USP53: variants seen among roughly 807,000 people sequenced by gnomAD.
USP53 encodes ubiquitin specific peptidase 53, also known as ubiquitin carboxyl-terminal hydrolase 53.
A neutral mutation model predicts 94.9 loss-of-function variants in USP53; 71 were observed. The ratio of observed to expected loss-of-function variants is 0.75; its 90% CI spans 0.62 to 0.91. The LOEUF (loss-of-function observed/expected upper bound fraction) is 0.91, where lower values mean the gene tolerates loss of function less well. Among genes scored for constraint, USP53 ranks in the 40% least tolerant of loss-of-function variants. The pLI is 0.00. For synonymous variants in USP53, 375 were observed against 422.7 expected (o/e 0.89, Z 1.39); for missense variants, 1,173 against 1,281.0 (o/e 0.92, Z 1.29).
At chr4:119,245,201 TG>T in intron 5 of USP53, 135 bp from the exon 6 acceptor site, 1 of 676,568 alleles carries the variant, frequency 1.5e-6, no homozygotes, top group East Asian at 2.7e-5. Context: ...TGGTTATGTG[TG>T]TCTGATTATG....
At chr4:119,220,626 G>A (rs1219968139) in intron 3 of USP53, 1 of 152,078 alleles carries the variant, frequency 6.6e-6, no homozygotes, top group African/African-American at 2.4e-5. Context: ...GATTCTGCCA[G>A]TTTTCTAATT....
At chr4:119,237,335 A>G (rs1393336804) in intron 4 of USP53, among the ~76,000 whole-genome samples, 2 of 152,120 alleles carry the variant, frequency 1.3e-5, no homozygotes, top group African/African-American at 4.8e-5. Flanking sequence ...TGAAGTCAAC[A>G]ACTGCATTAT....
intron 17 of USP53, among the ~76,000 whole-genome samples, chr4:119,276,431 G>T (rs1437940925): frequency 1.3e-5 from 2 of 151,276 alleles, no homozygotes; most frequent in African/African-American, 2.4e-5. Context: ...AACCAGCCTT[G>T]CATCCCAGGG....
chr4:119,225,280 A>G (rs1381683007), intron 3 of USP53, among the ~76,000 whole-genome samples: 1 of 152,204 alleles, frequency 6.6e-6, no homozygotes, highest in Non-Finnish European at 1.5e-5. Flanking sequence ...TTTCTATCAA[A>G]GAGATTTAAT....
chr4:119,218,028 G>C (rs74629660), intron 3 of USP53: 52,556 of 152,118 alleles, frequency 0.35, 9,190 homozygotes, highest in South Asian at 0.38. Context: ...CTGTGTAAAG[G>C]GTAGAAGCCA....
chr4:119,263,311 T>C (rs562588744), intron 12 of USP53, among the ~76,000 whole-genome samples: 1 of 152,332 alleles, frequency 6.6e-6, no homozygotes, highest in South Asian at 2.1e-4. Flanking sequence ...CCCTGCTTAC[T>C]GCCTAGAGGT....
chr4:119,262,950 A>C (rs1195319818), intron 12 of USP53, among the ~76,000 whole-genome samples: 2 of 152,218 alleles, frequency 1.3e-5, no homozygotes, highest in Admixed American at 6.5e-5. Flanking sequence ...CACAGTTGAA[A>C]ATTATTGGTC....
At chr4:119,292,294 T>C in intron 18 of USP53, 44 bp from the exon 19 acceptor site, 1 of 1,489,968 alleles carries the variant, frequency 6.7e-7, no homozygotes, top group Non-Finnish European at 8.9e-7. Flanking sequence ...GTTTCATATA[T>C]TTGCATAGGG....
Position 119,268,278 on chromosome 4 carries a change from G to T in USP53, c.1146G>T (p.Lys382Asn). ...GCTTCTCTTTTTAAGGATGTGAAAA[G>T]CCTGTAATTCATAAGTCAGATAATT... is the stretch of plus-strand genomic sequence containing the variant. ...KSVAENMGCE[K>N]PVIHKSDNLK... Residue 382 changes from lysine to asparagine, a missense_variant, in exon 14 of 19, where the codon AAG (lysine) becomes AAT (asparagine). Physicochemically the swap from Lys to Asn is moderately conservative, Grantham distance 94. Coordinates refer to ENST00000692078, the MANE Select transcript of USP53 (RefSeq NM_001371395.1). 1 of 1,611,152 alleles carries T rather than the reference G, an allele frequency of 6.2e-7. No individual in the cohort carries two copies. The highest frequency in any genetic ancestry group is 8.5e-7 in the Non-Finnish European group (1 of 1,178,794).
intron 7 of USP53, among the ~76,000 whole-genome samples, chr4:119,251,653 A>G (rs575099990): frequency 2.0e-5 from 3 of 152,280 alleles, no homozygotes; most frequent in Non-Finnish European, 2.9e-5. Flanking sequence ...CGTCTCTTCC[A>G]TTTTGAATAC....
chr4:119,251,113 T>A (rs569413554), intron 7 of USP53, among the ~76,000 whole-genome samples: 49 of 151,382 alleles, frequency 3.2e-4, no homozygotes, highest in African/African-American at 1.2e-3. Flanking sequence ...GTCCATGTGT[T>A]CTCATTGTTC....
chr4:119,221,088 A>T (rs2149265762), intron 3 of USP53: 1 of 152,302 alleles, frequency 6.6e-6, no homozygotes, highest in South Asian at 2.1e-4. Context: ...AAATTGGACA[A>T]CGTAGAGACA....
intron 5 of USP53, among the ~76,000 whole-genome samples, chr4:119,242,366 C>T (rs1747661275): frequency 6.6e-6 from 1 of 152,132 alleles, no homozygotes; most frequent in Non-Finnish European, 1.5e-5. Context: ...CGGGACAGAG[C>T]TATGCTTATT....
Position 119,292,380 on chromosome 4 carries a change from C to T in USP53, c.2391C>T (p.Ser797=), listed in dbSNP as rs1754857563. The T allele has an allele frequency of 6.2e-7, 1 of 1,609,420 alleles. No homozygotes were observed. Among genetic ancestry groups the T allele is most frequent in the Non-Finnish European group, 8.5e-7 (1 of 1,178,568 alleles). ...HEDNGKLFPS[S]SLQIPKDHNA... ...ACAATGGAAAGTTATTTCCTTCATCCAGTCTACAAATACCCAAGGACCATA... is the reference window on the plus strand; with the variant it reads ...ACAATGGAAAGTTATTTCCTTCATCTAGTCTACAAATACCCAAGGACCATA... Residue 797 remains serine, a synonymous_variant, in exon 19 of 19, where the codon TCC becomes TCT. Transcript: ENST00000692078.
chr4:119,216,797 G>A (rs1161131483), intron 2 of USP53, among the ~76,000 whole-genome samples: 2 of 152,156 alleles, frequency 1.3e-5, no homozygotes, highest in Admixed American at 6.5e-5. Flanking sequence ...TAAAGCAATG[G>A]TTAAGTTTAA....
chr4:119,281,056 G>A lies in USP53; in HGVS notation c.2251+7348G>A, dbSNP rs2149457734. On this transcript the variant is annotated intron_variant, in intron 17 of 18. Coordinates refer to ENST00000692078, the MANE Select transcript of USP53 (RefSeq NM_001371395.1). ...GTAGTTAAGAACACATAGAAAGATT[G>A]ATAAAGAGCCTTCTGGAAAAGTTCA... Among the ~76,000 whole-genome samples, 4 of 152,306 alleles carry A rather than the reference G, an allele frequency of 2.6e-5. No individual in the cohort carries two copies. In the South Asian group the frequency reaches 8.3e-4, roughly 32 times the overall value.
intron 7 of USP53, among the ~76,000 whole-genome samples, chr4:119,253,204 G>T (rs187779427): frequency 6.8e-4 from 103 of 152,228 alleles, no homozygotes; most frequent in African/African-American, 2.2e-3. Context: ...TTGATTTGGG[G>T]TGTAGAGTTC....
rs1242824762 is a variant in USP53, at chr4:119,261,702, T to C, written c.823-13T>C. 1 of 1,559,748 alleles carries C rather than the reference T, an allele frequency of 6.4e-7. No individual in the cohort carries two copies. The highest frequency in any genetic ancestry group is 2.3e-5 in the East Asian group (1 of 43,748). ...TGTAGTGTTAAGTGTACATTACCAATTTTTTTAAACAGCTTTTTTATAGAG... is the reference window on the plus strand; with the variant it reads ...TGTAGTGTTAAGTGTACATTACCAACTTTTTTAAACAGCTTTTTTATAGAG... On this transcript the variant is annotated splice_polypyrimidine_tract_variant and intron_variant, in intron 11 of 18. Transcript: ENST00000692078.
chr4:119,230,991 G>C (rs879932558), intron 3 of USP53, among the ~76,000 whole-genome samples: 1 of 152,180 alleles, frequency 6.6e-6, no homozygotes, highest in Non-Finnish European at 1.5e-5. Flanking sequence ...GCCCATGCAG[G>C]CTGTGTGAGT....
Sources: gnomAD v4.1 joint callset for allele counts (sites outside exome capture counted in the v4.1 genomes callset) on GRCh38, gnomAD v4.1.1 for gene constraint, MANE v1.5 for transcripts, NCBI Gene and HGNC (gene_info 2026-07-23, HGNC 2026-07-21) for gene names.